The following DTX4 variants were observed in gnomAD, a reference collection of about 807,000 sequenced individuals.
DTX4 encodes the protein deltex E3 ubiquitin ligase 4, also known as E3 ubiquitin-protein ligase DTX4.
DTX4 carries 28 observed loss-of-function variants against 57.6 expected under a neutral mutation model. The ratio of observed to expected loss-of-function variants is 0.49; its 90% confidence interval spans 0.36 to 0.67. DTX4 has a LOEUF of 0.67. DTX4 is among the 30% of genes least tolerant of loss of function. The pLI, the probability that DTX4 is intolerant of heterozygous loss-of-function variation, is 0.00. For missense variants in DTX4, 715 were observed against 836.8 expected (o/e 0.85, Z 1.80); for synonymous variants, 316 against 331.0 (o/e 0.95, Z 0.49).
chr11:59,172,510 A>C lies in DTX4; in HGVS notation c.-86A>C. 1.1e-6 allele frequency: 1 copy of C among 891,058 alleles called. No homozygotes were observed. 55.2% of individuals were successfully genotyped at this position (891,058 alleles called of 1,614,324 possible). On this transcript the variant is annotated 5_prime_UTR_variant, in exon 1 of 9. Coordinates refer to ENST00000227451, the MANE Select transcript of DTX4 (RefSeq NM_015177.2). The stretch of plus-strand genomic sequence containing the variant: ...GGCAGGGGGCGCGGTCGAGGCCCGG[A>C]GGCGGCGGCGCAGGAGGAAGCGGAG...
chr11:59,198,947 C>T (rs921178944), intron 7 of DTX4, among the ~76,000 whole-genome samples: 5 of 152,194 alleles, frequency 3.3e-5, no homozygotes, highest in Admixed American at 2.0e-4. Flanking sequence ...CCTGTTCTCA[C>T]TCAATTGTGC....
intron 2 of DTX4, among the ~76,000 whole-genome samples, chr11:59,184,102 C>T (rs566139850): frequency 2.6e-5 from 4 of 152,320 alleles, no homozygotes; most frequent in African/African-American, 7.2e-5. Context: ...ATGACTTCCC[C>T]TGAGATGGCA....
intron 1 of DTX4, among the ~76,000 whole-genome samples, chr11:59,174,212 G>A (rs185774737): frequency 2.0e-5 from 3 of 152,274 alleles, no homozygotes; most frequent in Admixed American, 2.0e-4. Flanking sequence ...GATTCTGGAA[G>A]TGTTAGAATC....
At position 59,176,577 on chromosome 11, in the gene DTX4, G is replaced by T. The variant is rs150640482; in HGVS notation, c.211+3771G>T. 1.1e-4 allele frequency among the ~76,000 whole-genome samples: 16 copies of T among 152,322 alleles called. No homozygotes were observed. In the East Asian group the frequency reaches 2.9e-3, roughly 28 times the overall value. On this transcript the variant is annotated intron_variant, in intron 1 of 8. Coordinates refer to ENST00000227451, the MANE Select transcript of DTX4 (RefSeq NM_015177.2). ...CTTACGGAAAATTCTGGTGGGCGTG[G>T]GGGATGCTGGTAAGAGCGGCCTGGG...
At chr11:59,191,983 G>A in intron 5 of DTX4, 115 bp from the exon 6 acceptor site, 1 of 1,183,576 alleles carries the variant, frequency 8.4e-7, no homozygotes, top group Non-Finnish European at 1.2e-6. Flanking sequence ...ACCCTGATTT[G>A]TGGGTGTTTT....
intron 1 of DTX4, among the ~76,000 whole-genome samples, chr11:59,175,719 C>T (rs1862387822): frequency 6.6e-6 from 1 of 152,128 alleles, no homozygotes; most frequent in Admixed American, 6.5e-5. Flanking sequence ...AAGAGCTTTA[C>T]TTCAGCATCA....
Position 59,182,411 on chromosome 11 carries a change from C to T in DTX4, c.884C>T (p.Thr295Ile), listed in dbSNP as rs747888008. Residue 295 changes from threonine to isoleucine, a missense_variant, in exon 2 of 9, where the codon ACC becomes ATC. Physicochemically the swap from Thr to Ile is moderately conservative, Grantham distance 89. Transcript: ENST00000227451. ...GTGGCCCTGGCCACCTTGAATCGTA[C>T]CAACCTGCAGCGACTGGCCATTGCC... The part of the protein sequence containing the change: ...GRVALATLNR[T>I]NLQRLAIAQS... 6.1e-5 allele frequency: 98 copies of T among 1,613,158 alleles called. No homozygotes were observed. Among genetic ancestry groups the T allele is most frequent in the Non-Finnish European group, 8.0e-5 (94 of 1,179,622 alleles).
chr11:59,178,252 G>A (rs761278913), intron 1 of DTX4, among the ~76,000 whole-genome samples: 1 of 152,032 alleles, frequency 6.6e-6, no homozygotes, highest in Non-Finnish European at 1.5e-5. Flanking sequence ...GGCTATGAGG[G>A]GGCCATGTAT....
intron 2 of DTX4, among the ~76,000 whole-genome samples, chr11:59,184,211 C>A (rs1021047083): frequency 6.6e-6 from 1 of 152,178 alleles, no homozygotes; most frequent in African/African-American, 2.4e-5. Context: ...TAACAGAGTT[C>A]CAGGGTGATT....
chr11:59,177,095 A>G lies in DTX4; in HGVS notation c.211+4289A>G, dbSNP rs563357653. ...TCTGACACCATTTTACCACTTTCCC[A>G]TGGTCCAAACCCAGGATTCTTTGAC... On this transcript the variant is annotated intron_variant, in intron 1 of 8. Coordinates refer to ENST00000227451, the MANE Select transcript of DTX4 (RefSeq NM_015177.2). Among the ~76,000 whole-genome samples the G allele has an allele frequency of 5.5e-4, 83 of 152,220 alleles. No homozygotes were observed. In the South Asian group the frequency reaches 5.8e-3, roughly 11 times the overall value.
In DTX4 at chr11:59,181,841, A is replaced by G; in HGVS notation, c.314A>G (p.Tyr105Cys). 5.6e-6 allele frequency: 9 copies of G among 1,613,956 alleles called. No homozygotes were observed. The highest frequency in any genetic ancestry group is 1.6e-4 in the Middle Eastern group (1 of 6,062). ...AACGACAATGGCTCCTGGACGCCCT[A>G]CGACATGGAAGTGGGCATCACCATC... ...WENDNGSWTP[Y>C]DMEVGITIQH... is the part of the protein sequence containing the mutation. Residue 105 changes from tyrosine to cysteine, a missense_variant, in exon 2 of 9, where the codon TAC (tyrosine) becomes TGC (cysteine). Physicochemically the swap from Tyr to Cys is radical, Grantham distance 194. Coordinates refer to ENST00000227451, the MANE Select transcript of DTX4 (RefSeq NM_015177.2).
At chr11:59,175,318 G>A (rs1310145053) in intron 1 of DTX4, among the ~76,000 whole-genome samples, 1 of 152,186 alleles carries the variant, frequency 6.6e-6, no homozygotes, top group East Asian at 1.9e-4. Context: ...CTCTGTATGG[G>A]GACATTTCCT....
At chr11:59,185,490 G>A (rs543583402) in intron 2 of DTX4, among the ~76,000 whole-genome samples, 1 of 152,260 alleles carries the variant, frequency 6.6e-6, no homozygotes, top group Admixed American at 6.5e-5. Context: ...CAGTGGTTAG[G>A]ACAGACAGTT....
intron 6 of DTX4, among the ~76,000 whole-genome samples, chr11:59,193,518 CA>C (rs1480433089): frequency 6.6e-6 from 1 of 152,068 alleles, no homozygotes; most frequent in Non-Finnish European, 1.5e-5. Context: ...TCTTGCATTT[CA>C]AGAAGTTATT....
Position 59,191,189 on chromosome 11 carries a change from TAGA to T in DTX4, c.1221+18_1221+20del. On this transcript the variant is annotated intron_variant, in intron 5 of 8. Coordinates refer to ENST00000227451, the MANE Select transcript of DTX4 (RefSeq NM_015177.2). Reference sequence around the variant, plus strand: ...CCACCAGATGAGGTGAGTTCAGGGTTAGAAGAGCGGGATTCACCTCTCCATCAC... The same window carrying T: ...CCACCAGATGAGGTGAGTTCAGGGTTAGAGCGGGATTCACCTCTCCATCAC... The T allele has an allele frequency of 6.4e-7, 1 of 1,564,862 alleles. No homozygotes were observed. Among genetic ancestry groups the T allele is most frequent in the Non-Finnish European group, 8.7e-7 (1 of 1,154,618 alleles).
chr11:59,192,290 T>C (rs763889608), intron 6 of DTX4, 40 bp downstream of exon 6: 4 of 1,612,140 alleles, frequency 2.5e-6, no homozygotes, highest in African/African-American at 1.3e-5. Flanking sequence ...CCCTTCACAC[T>C]GGGCTCTGGA....
intron 7 of DTX4, among the ~76,000 whole-genome samples, chr11:59,196,767 T>TGTCA (rs1345826272): frequency 1.3e-5 from 2 of 152,272 alleles, no homozygotes; most frequent in South Asian, 2.1e-4. Flanking sequence ...CCTGATGATC[T>TGTCA]GTCACTGTCT....
At chr11:59,192,579 T>C (rs1862613639) in intron 6 of DTX4, among the ~76,000 whole-genome samples, 1 of 152,116 alleles carries the variant, frequency 6.6e-6, no homozygotes. Context: ...TGAAGTGTGC[T>C]CCCATCAGTG....
At chr11:59,186,217 G>A (rs972531665) in intron 2 of DTX4, among the ~76,000 whole-genome samples, 1 of 152,070 alleles carries the variant, frequency 6.6e-6, no homozygotes, top group Non-Finnish European at 1.5e-5. Context: ...GTCCACATGC[G>A]GGCCCTTCCC....
Sources: gnomAD v4.1 joint callset for allele counts (sites outside exome capture counted in the v4.1 genomes callset) on GRCh38, gnomAD v4.1.1 for gene constraint, MANE v1.5 for transcripts, NCBI Gene and HGNC (gene_info 2026-07-23, HGNC 2026-07-21) for gene names.